THAP4: variants seen among roughly 807,000 people sequenced by gnomAD.
The protein encoded by THAP4 is THAP domain containing 4, also known as peroxynitrite isomerase THAP4.
A neutral mutation model predicts 48.1 loss-of-function variants in THAP4; 18 were observed. The observed-to-expected ratio is 0.37, with a 90% CI of 0.26 to 0.56. THAP4 has a LOEUF of 0.56. THAP4 is among the 20% of genes least tolerant of loss of function. The probability of loss-of-function intolerance (pLI) is 0.78; values close to 1 mark genes in which losing one functional copy is unlikely to be tolerated. For synonymous variants in THAP4, 345 were observed against 324.9 expected, an observed-to-expected ratio of 1.06 and a Z score of -0.66; for missense variants, 656 against 774.9, an observed-to-expected ratio of 0.85 and a Z score of 1.82.
At chr2:241,592,863 C>A (rs558478195) in intron 5 of THAP4, among the ~76,000 whole-genome samples, 2 of 152,168 alleles carry the variant, frequency 1.3e-5, no homozygotes, top group African/African-American at 4.8e-5. Flanking sequence ...ACAAGGGCCA[C>A]GGGACGTCTG....
In THAP4 at chr2:241,593,244, A is replaced by T. The variant is rs189347502; in HGVS notation, c.1615-8519T>A. On this transcript the variant is annotated intron_variant, in intron 5 of 5. Coordinates refer to ENST00000407315, the MANE Select transcript of THAP4 (RefSeq NM_015963.6). ...TGGGCGACAGTGCAAGGCTCTGTCT[A>T]AAAAAAAGTAATAATAAAATAAAAA... Among the ~76,000 whole-genome samples, 83 of 152,030 alleles carry T rather than the reference A, an allele frequency of 5.5e-4. 1 individual carries two copies. Among genetic ancestry groups the T allele is most frequent in the African/African-American group, 1.9e-3 (77 of 41,460 alleles).
At chr2:241,605,697 G>C (rs2067173584) in intron 3 of THAP4, among the ~76,000 whole-genome samples, 1 of 151,840 alleles carries the variant, frequency 6.6e-6, no homozygotes, top group Non-Finnish European at 1.5e-5. Flanking sequence ...ATTATTTTCA[G>C]TAATATTGGG....
At chr2:241,605,326 C>T (rs2067167239) in intron 3 of THAP4, among the ~76,000 whole-genome samples, 1 of 152,204 alleles carries the variant, frequency 6.6e-6, no homozygotes, top group East Asian at 1.9e-4. Context: ...ACAAATAGTA[C>T]CAAGTTGGTT....
At chr2:241,602,256 C>G in intron 4 of THAP4, 1 of 535,596 alleles carries the variant, frequency 1.9e-6, no homozygotes, top group Non-Finnish European at 3.4e-6. Flanking sequence ...CCTCCACCCA[C>G]CAATCAGCCT....
chr2:241,607,646 G>A (rs547734648), intron 2 of THAP4, among the ~76,000 whole-genome samples: 7 of 150,740 alleles, frequency 4.6e-5, no homozygotes, highest in East Asian at 2.0e-4. Flanking sequence ...CACAGAGACC[G>A]GCCTGCACAT....
rs139632525 is a variant in THAP4 at position 241,606,412 on chromosome 2, C to T, written c.1302G>A (p.Ser434=). Residue 434 remains serine (S), a synonymous_variant, in exon 3 of 6, where the codon TCG becomes TCA. Transcript: ENST00000407315. ...PLSWMLGTWL[S]DPPGAGTYPT... ...GGTAGGTCCCGGCTCCAGGTGGGTC[C>T]GACAGCCAGGTGCCCAGCATCCAGG... The T allele has an allele frequency of 3.1e-5, 49 of 1,606,228 alleles. No individual in the cohort carries two copies. In the African/African-American group the frequency reaches 5.6e-4, roughly 18 times the overall value.
chr2:241,620,049 T>G (rs1575034051), intron 2 of THAP4, among the ~76,000 whole-genome samples: 2 of 46,096 alleles, frequency 4.3e-5, no homozygotes, highest in Non-Finnish European at 7.9e-5. Context: ...GAGGAGTGAG[T>G]GAGGGGTGAG....
chr2:241,633,284 C>G lies in THAP4; in HGVS notation c.873G>C (p.Ala291=), dbSNP rs7574451. Residue 291 remains alanine, a synonymous_variant, in exon 2 of 6, where the codon GCG becomes GCC. Coordinates refer to ENST00000407315, the MANE Select transcript of THAP4 (RefSeq NM_015963.6). The surrounding 1 kb of genome is among the most constrained non-coding windows in gnomAD (Gnocchi z 7.5). ...GGCTCTGGGAAGGCTTCTGCGGTGT[C>G]GCGGTAAGTGATGAGCTGGGAGGGC... ...AQSPPSSSLT[A]TPQKPSQSPS... is the part of the protein sequence containing the mutation. 2 of 1,611,602 alleles carry G rather than the reference C, an allele frequency of 1.2e-6. No individual in the cohort carries two copies. Among genetic ancestry groups the G allele is most frequent in the Non-Finnish European group, 1.7e-6 (2 of 1,179,956 alleles).
rs2067119158 is a variant in THAP4, at chr2:241,601,963, T to C, written c.1547A>G (p.Gln516Arg). ...VEVEEGEVNG[Q>R]ELCIASHSIA... ...GGAGTGGGATGCGATGCACAGCTCC[T>C]GCCCGTTCACCTCGCCCTCCTCCAC... The change falls in exon 5 of 6, where the codon CAG becomes CGG. Residue 516 changes from glutamine (Q) to arginine (R), a missense_variant. By Grantham distance (43) the Gln-to-Arg change is conservative (BLOSUM62 1). Coordinates refer to ENST00000407315, the MANE Select transcript of THAP4 (RefSeq NM_015963.6). This position sits in a 1 kb window ranked among gnomAD's most constrained non-coding sequence, Gnocchi z 4.0. The C allele has an allele frequency of 6.2e-7, 1 of 1,612,584 alleles. No homozygotes were observed. Among genetic ancestry groups the C allele is most frequent in the Non-Finnish European group, 8.5e-7 (1 of 1,180,028 alleles).
At chr2:241,625,910 T>A (rs946182326) in intron 2 of THAP4, among the ~76,000 whole-genome samples, 6 of 142,452 alleles carry the variant, frequency 4.2e-5, no homozygotes, top group Middle Eastern at 3.9e-3. Context: ...ATAAAAAAAA[T>A]GTATAAAAAG....
intron 2 of THAP4, among the ~76,000 whole-genome samples, chr2:241,613,510 T>C (rs1358715095): frequency 6.6e-6 from 1 of 152,136 alleles, no homozygotes; most frequent in Admixed American, 6.5e-5. Context: ...TCCCAGCCCT[T>C]TGGGAGGCCG....
intron 2 of THAP4, among the ~76,000 whole-genome samples, chr2:241,606,790 G>A (rs1333469750): frequency 6.6e-6 from 1 of 152,118 alleles, no homozygotes; most frequent in Non-Finnish European, 1.5e-5. Context: ...TGGTGGGAAG[G>A]GATACTGAGG....
At chr2:241,617,297 G>C (rs898022403) in intron 2 of THAP4, 11 of 776,892 alleles carry the variant, frequency 1.4e-5, no homozygotes, top group Admixed American at 4.7e-5. Context: ...TTTCTTTTCT[G>C]ATTTCATTTT....
intron 5 of THAP4, among the ~76,000 whole-genome samples, chr2:241,594,266 G>T (rs571908767): frequency 5.9e-5 from 9 of 152,126 alleles, no homozygotes; most frequent in African/African-American, 2.2e-4. Flanking sequence ...CAGCTAAAGG[G>T]TACCAGGTGT....
chr2:241,622,615 T>C (rs949734291), intron 2 of THAP4, among the ~76,000 whole-genome samples: 2 of 152,128 alleles, frequency 1.3e-5, no homozygotes, highest in African/African-American at 4.8e-5. Flanking sequence ...GTTTTCTTTT[T>C]TTGAGATAGG....
intron 5 of THAP4, among the ~76,000 whole-genome samples, chr2:241,598,410 G>A (rs2067074929): frequency 6.6e-6 from 1 of 151,938 alleles, no homozygotes; most frequent in South Asian, 2.1e-4. Flanking sequence ...GACAACTCAG[G>A]GTTATCCCCC....
At chr2:241,596,756 A>C (rs2067053930) in intron 5 of THAP4, among the ~76,000 whole-genome samples, 1 of 151,960 alleles carries the variant, frequency 6.6e-6, no homozygotes, top group Admixed American at 6.5e-5. Context: ...CAGTGAGCCG[A>C]GACTGCACCA....
intron 2 of THAP4, among the ~76,000 whole-genome samples, chr2:241,609,108 G>T (rs151112981): frequency 6.6e-6 from 1 of 152,382 alleles, no homozygotes; most frequent in African/African-American, 2.4e-5. Flanking sequence ...GGAAGCCAGG[G>T]AGGGCAATGG....
At chr2:241,635,779 G>C (rs964460933) in intron 1 of THAP4, among the ~76,000 whole-genome samples, 4 of 151,406 alleles carry the variant, frequency 2.6e-5, no homozygotes, top group African/African-American at 9.7e-5. Flanking sequence ...AAAAAAAAGA[G>C]AAAAAAAGAA....
Sources: gnomAD v4.1 joint callset for allele counts (sites outside exome capture counted in the v4.1 genomes callset) on GRCh38, gnomAD v4.1.1 for gene constraint, Gnocchi (gnomAD v3.1) non-coding constraint, MANE v1.5 for transcripts, NCBI Gene and HGNC (gene_info 2026-07-23, HGNC 2026-07-21) for gene names.